The following SNX24 variants were observed in gnomAD, a reference collection of about 807,000 sequenced individuals.
The protein encoded by SNX24 is sorting nexin-24.
A neutral mutation model predicts 28.7 loss-of-function variants in SNX24; 22 were observed. That is an observed-to-expected ratio of 0.77 (90% CI 0.55 to 1.10). The LOEUF (loss-of-function observed/expected upper bound fraction) is 1.10. SNX24 is among the 50% of genes least tolerant of loss of function. SNX24 has a pLI of 0.00. For synonymous variants in SNX24, 69 were observed against 71.5 expected (o/e 0.96, Z 0.18); for missense variants, 221 against 201.1 (o/e 1.10, Z -0.60).
At chr5:122,994,927 T>C (rs1365395674) in intron 3 of SNX24, among the ~76,000 whole-genome samples, 1 of 152,186 alleles carries the variant, frequency 6.6e-6, no homozygotes, top group East Asian at 1.9e-4. Context: ...GATGTAGTAA[T>C]ATCGAAGTGA....
intron 1 of SNX24, among the ~76,000 whole-genome samples, chr5:122,888,580 TC>T (rs1412398396): frequency 1.3e-5 from 2 of 152,340 alleles, no homozygotes; most frequent in East Asian, 3.9e-4. Flanking sequence ...ATATTGCAGA[TC>T]CAGAATGACC....
intron 1 of SNX24, among the ~76,000 whole-genome samples, chr5:122,932,852 C>G (rs558948228): frequency 3.1e-3 from 239 of 77,850 alleles, no homozygotes; most frequent in African/African-American, 0.014. Context: ...GAGCAAGACT[C>G]TGTCTCAAAA....
At chr5:123,019,470 A>G (rs1180568732) in intron 5 of SNX24, among the ~76,000 whole-genome samples, 5 of 152,226 alleles carry the variant, frequency 3.3e-5, no homozygotes, top group East Asian at 3.8e-4. Context: ...CTAAGAAATG[A>G]GGTTGGTGAG....
intron 5 of SNX24, among the ~76,000 whole-genome samples, chr5:123,017,005 G>A (rs1023520336): frequency 6.6e-6 from 1 of 152,014 alleles, no homozygotes; most frequent in Non-Finnish European, 1.5e-5. Flanking sequence ...TTCCCACCAT[G>A]GTGACAGATT....
intron 1 of SNX24, among the ~76,000 whole-genome samples, chr5:122,870,852 TG>T (rs1219265663): frequency 6.6e-6 from 1 of 152,166 alleles, no homozygotes; most frequent in Non-Finnish European, 1.5e-5. Flanking sequence ...GTGCTGCTGG[TG>T]GATGGCACAT....
intron 1 of SNX24, among the ~76,000 whole-genome samples, chr5:122,864,576 G>C (rs1305134659): frequency 1.3e-5 from 2 of 152,216 alleles, no homozygotes; most frequent in African/African-American, 4.8e-5. Context: ...GGAGACGTCA[G>C]TGAGCCAGGA....
chr5:122,974,417 AGTT>A (rs1442633646), intron 3 of SNX24, among the ~76,000 whole-genome samples: 3 of 152,210 alleles, frequency 2.0e-5, no homozygotes, highest in Non-Finnish European at 4.4e-5. Context: ...CAAAATCGAG[AGTT>A]GTTGTACGCT....
At chr5:122,981,290 G>A (rs1176391059) in intron 3 of SNX24, among the ~76,000 whole-genome samples, 1 of 152,112 alleles carries the variant, frequency 6.6e-6, no homozygotes, top group Non-Finnish European at 1.5e-5. Flanking sequence ...CTGAGTATTA[G>A]CCATATTTAA....
chr5:122,920,593 C>T (rs903636407), intron 1 of SNX24, among the ~76,000 whole-genome samples: 1 of 152,140 alleles, frequency 6.6e-6, no homozygotes, highest in Non-Finnish European at 1.5e-5. Context: ...AGTTGTTATA[C>T]GCAAGTAGAA....
chr5:122,875,014 G>A (rs1756160552), intron 1 of SNX24, among the ~76,000 whole-genome samples: 1 of 152,146 alleles, frequency 6.6e-6, no homozygotes, highest in Admixed American at 6.5e-5. Flanking sequence ...GCTTGAGTTA[G>A]GCTTATATGG....
chr5:123,015,268 A>G (rs1350063392), intron 5 of SNX24, among the ~76,000 whole-genome samples: 3 of 152,202 alleles, frequency 2.0e-5, no homozygotes, highest in Non-Finnish European at 4.4e-5. Flanking sequence ...TGCATATTCC[A>G]TAGCAGGGGT....
At chr5:122,860,758 G>A (rs1309622037) in intron 1 of SNX24, among the ~76,000 whole-genome samples, 2 of 151,790 alleles carry the variant, frequency 1.3e-5, no homozygotes, top group African/African-American at 4.8e-5. Flanking sequence ...CACCATGCAT[G>A]GCTAATTTTT....
At chr5:122,960,681 C>G (rs30062) in intron 3 of SNX24, among the ~76,000 whole-genome samples, 117,034 of 152,140 alleles carry the variant, frequency 0.77, 45,898 homozygotes, top group East Asian at 0.99. Flanking sequence ...AGCCGTAATT[C>G]AGCTGAGAGC....
intron 6 of SNX24, among the ~76,000 whole-genome samples, chr5:123,003,651 A>G (rs1192850576): frequency 1.3e-5 from 2 of 152,206 alleles, no homozygotes; most frequent in Non-Finnish European, 2.9e-5. Context: ...TTTAAATCCA[A>G]TTCATACAGC....
intron 1 of SNX24, among the ~76,000 whole-genome samples, chr5:122,850,808 A>ACC (rs1561501588): frequency 8.0e-6 from 1 of 124,354 alleles, no homozygotes; most frequent in Non-Finnish European, 1.7e-5. Context: ...AAAAAAAAAA[A>ACC]CCCACAGAGA....
chr5:122,985,047 T>C (rs1279979091), intron 3 of SNX24, among the ~76,000 whole-genome samples: 1 of 152,040 alleles, frequency 6.6e-6, no homozygotes, highest in Non-Finnish European at 1.5e-5. Context: ...GGTAGCAGAG[T>C]CCATTTGATA....
chr5:122,861,024 A>G (rs1040346261), intron 1 of SNX24, among the ~76,000 whole-genome samples: 7 of 152,044 alleles, frequency 4.6e-5, no homozygotes, highest in African/African-American at 9.7e-5. Flanking sequence ...TATGTTCCCA[A>G]TCTAATAAAT....
At chr5:122,982,414 G>T (rs543703855) in intron 3 of SNX24, among the ~76,000 whole-genome samples, 45 of 152,200 alleles carry the variant, frequency 3.0e-4, no homozygotes, top group Middle Eastern at 3.4e-3. Flanking sequence ...TTAATTATTT[G>T]TGCTACTGGA....
chr5:122,998,628 C>T (rs1256984792), intron 3 of SNX24, among the ~76,000 whole-genome samples: 9 of 152,274 alleles, frequency 5.9e-5, no homozygotes, highest in African/African-American at 2.2e-4. Flanking sequence ...CAGGAGGGTT[C>T]TGCTCTAGTG....
Sources: gnomAD v4.1 joint callset for allele counts (sites outside exome capture counted in the v4.1 genomes callset) on GRCh38, gnomAD v4.1.1 for gene constraint, MANE v1.5 for transcripts, NCBI Gene and HGNC (gene_info 2026-07-23, HGNC 2026-07-21) for gene names.